The following LUZP1 variants were observed in gnomAD, a reference collection of about 807,000 sequenced individuals.
LUZP1 encodes the protein leucine zipper protein 1.
A neutral mutation model predicts 71.3 loss-of-function variants in LUZP1; 25 were observed. The ratio of observed to expected loss-of-function variants is 0.35; its 90% CI spans 0.26 to 0.49. The LOEUF (loss-of-function observed/expected upper bound fraction) is 0.49. Ranked by LOEUF, LUZP1 falls within the 20% of genes least tolerant of loss-of-function variation. The pLI is 0.99. For synonymous variants in LUZP1, 481 were observed against 506.4 expected, an observed-to-expected ratio of 0.95 and a Z score of 0.67; for missense variants, 1,142 against 1,300.8, an observed-to-expected ratio of 0.88 and a Z score of 1.88.
chr1:23,128,951 A>C (rs1349662880), intron 2 of LUZP1, among the ~76,000 whole-genome samples: 1 of 152,254 alleles, frequency 6.6e-6, no homozygotes, highest in African/African-American at 2.4e-5. Flanking sequence ...TTAACAGCAT[A>C]AGCCTATATA....
At chr1:23,125,438 T>A (rs1380143195) in intron 2 of LUZP1, among the ~76,000 whole-genome samples, 2 of 152,178 alleles carry the variant, frequency 1.3e-5, no homozygotes, top group African/African-American at 2.4e-5. Context: ...CTATTCTCTT[T>A]GTTTTTCTCT....
exon 4 of LUZP1, chr1:23,092,630 G>C (rs148703766): frequency 1.2e-6 from 2 of 1,614,174 alleles, no homozygotes; most frequent in South Asian, 2.2e-5. Context: ...TGCCAAGCAC[G>C]TGTCCCCTCT....
At chr1:23,110,107 T>C (rs1644015959) in intron 2 of LUZP1, among the ~76,000 whole-genome samples, 1 of 152,228 alleles carries the variant, frequency 6.6e-6, no homozygotes, top group African/African-American at 2.4e-5. Context: ...TGTTATTAAA[T>C]GACAGAGTTT....
intron 2 of LUZP1, among the ~76,000 whole-genome samples, chr1:23,168,231 C>T (rs1400959198): frequency 6.7e-6 from 1 of 148,164 alleles, no homozygotes; most frequent in Non-Finnish European, 1.5e-5. Context: ...AAACCGCCCT[C>T]CTCCTCCTGC....
intron 2 of LUZP1, among the ~76,000 whole-genome samples, chr1:23,162,276 C>T (rs1422647470): frequency 6.6e-6 from 1 of 151,804 alleles, no homozygotes; most frequent in East Asian, 1.9e-4. Context: ...TGGATAGGGG[C>T]TTCTAGGTAC....
At chr1:23,096,928 G>A (rs558625485) in intron 3 of LUZP1, among the ~76,000 whole-genome samples, 12 of 152,236 alleles carry the variant, frequency 7.9e-5, no homozygotes, top group African/African-American at 2.2e-4. Flanking sequence ...AGCTGAGATC[G>A]CGCCACTGCA....
intron 2 of LUZP1, among the ~76,000 whole-genome samples, chr1:23,145,638 T>G (rs1031430583): frequency 2.6e-5 from 4 of 151,854 alleles, no homozygotes; most frequent in African/African-American, 9.7e-5. Flanking sequence ...CCTGGCTAAT[T>G]TTTGTATTTT....
chr1:23,137,258 C>T (rs116337513), intron 2 of LUZP1, among the ~76,000 whole-genome samples: 138 of 152,328 alleles, frequency 9.1e-4, no homozygotes, highest in African/African-American at 3.2e-3. Flanking sequence ...AGGATTTGCA[C>T]AGGCATTTCT....
chr1:23,100,719 T>C (rs1249092210), intron 3 of LUZP1, among the ~76,000 whole-genome samples: 1 of 152,206 alleles, frequency 6.6e-6, no homozygotes, highest in Non-Finnish European at 1.5e-5. Context: ...AGGGGAGATA[T>C]TTTGAGCAGG....
At chr1:23,111,061 A>G (rs1207722068) in intron 2 of LUZP1, among the ~76,000 whole-genome samples, 2 of 152,062 alleles carry the variant, frequency 1.3e-5, no homozygotes, top group Non-Finnish European at 1.5e-5. Context: ...TTAGCTGGGC[A>G]TGGTGACATG....
rs551979981 is a variant in LUZP1 at position 23,172,795 on chromosome 1, G to A, written c.-484-3771C>T. On this transcript the variant is annotated intron_variant, in intron 1 of 4. Transcript: ENST00000302291. ...CTCCCAAAGTGCTGGGATTGCAGGC[G>A]TGAGCCACCATGCCCAGCCAAAATT... is the stretch of plus-strand genomic sequence containing the variant. Among the ~76,000 whole-genome samples, 9 of 151,586 alleles carry A rather than the reference G, an allele frequency of 5.9e-5. No homozygotes were observed. The South Asian group carries it at 1.9e-3, about 32-fold the overall frequency.
At chr1:23,104,429 A>C (rs1020188620) in intron 3 of LUZP1, among the ~76,000 whole-genome samples, 3 of 151,682 alleles carry the variant, frequency 2.0e-5, no homozygotes, top group African/African-American at 7.3e-5. Flanking sequence ...AGTGATCCAC[A>C]AGCCTCGGCC....
chr1:23,086,356 T>A (rs1643766672), exon 5 of LUZP1: 1 of 152,642 alleles, frequency 6.6e-6, no homozygotes, highest in Admixed American at 6.5e-5. Context: ...AAATAACTGT[T>A]ACAAGCAAAT....
chr1:23,089,183 T>C (rs1252674935), intron 4 of LUZP1, 130 bp from the exon 4 acceptor site: 1 of 804,070 alleles, frequency 1.2e-6, no homozygotes, highest in Admixed American at 2.5e-5. Context: ...GGCCATAAGT[T>C]AACTGCAAAG....
At chr1:23,123,220 G>A (rs769953691) in intron 2 of LUZP1, among the ~76,000 whole-genome samples, 11 of 152,140 alleles carry the variant, frequency 7.2e-5, no homozygotes, top group Non-Finnish European at 1.3e-4. Flanking sequence ...CTGGCCGGGC[G>A]CGGTGGCTCA....
chr1:23,096,354 A>T (rs1362533852), intron 3 of LUZP1, among the ~76,000 whole-genome samples: 18 of 152,178 alleles, frequency 1.2e-4, no homozygotes, highest in Non-Finnish European at 2.4e-4. Flanking sequence ...GGAAATAATT[A>T]AAAAGGTCCA....
chr1:23,149,448 A>G (rs1045292034), intron 2 of LUZP1, among the ~76,000 whole-genome samples: 1 of 152,138 alleles, frequency 6.6e-6, no homozygotes, highest in Admixed American at 6.6e-5. Context: ...GGGGTCAAAC[A>G]CATATATTTT....
chr1:23,122,114 A>G (rs532501162), intron 2 of LUZP1, among the ~76,000 whole-genome samples: 2 of 152,286 alleles, frequency 1.3e-5, no homozygotes, highest in Non-Finnish European at 2.9e-5. Flanking sequence ...AGTTTCTAAT[A>G]AAGAAACACC....
intron 3 of LUZP1, among the ~76,000 whole-genome samples, chr1:23,095,418 TAGAA>T (rs1643887253): frequency 6.6e-6 from 1 of 152,146 alleles, no homozygotes; most frequent in African/African-American, 2.4e-5. Flanking sequence ...GTTGATCACA[TAGAA>T]AGTAAGTGAC....
Sources: gnomAD v4.1 joint callset for allele counts (sites outside exome capture counted in the v4.1 genomes callset) on GRCh38, gnomAD v4.1.1 for gene constraint, MANE v1.5 for transcripts, NCBI Gene and HGNC (gene_info 2026-07-23, HGNC 2026-07-21) for gene names.